Variants in UBE4A observed in about 807,000 individuals in gnomAD.
The protein encoded by UBE4A is ubiquitin conjugation factor E4 A.
A neutral mutation model predicts 117.9 loss-of-function variants in UBE4A; 48 were observed. The observed-to-expected ratio is 0.41, with a 90% CI of 0.32 to 0.52. The LOEUF is 0.52. UBE4A is among the 20% of genes least tolerant of loss of function. The pLI is 0.33. For synonymous variants in UBE4A, 407 were observed against 450.0 expected, an observed-to-expected ratio of 0.90 and a Z score of 1.21; for missense variants, 1,067 against 1,296.3, an observed-to-expected ratio of 0.82 and a Z score of 2.72.
intron 15 of UBE4A, among the ~76,000 whole-genome samples, chr11:118,385,331 A>T (rs1413182783): frequency 6.6e-6 from 1 of 152,222 alleles, no homozygotes; most frequent in Non-Finnish European, 1.5e-5. Flanking sequence ...TCAGTAAAAT[A>T]TCTCACTAAG....
Position 118,399,114 on chromosome 11 carries a change from T to A in UBE4A, c.*2674T>A. On this transcript the variant is annotated 3_prime_UTR_variant, in exon 20 of 20. Transcript: ENST00000252108. ...TGAAATAAAACTTGATCAACGCGAC[T>A]GTATTTTGAAACATTCCAGGAAGGT... is the stretch of plus-strand genomic sequence containing the variant. The A allele has an allele frequency of 4.4e-6, 2 of 454,506 alleles. No individual in the cohort carries two copies. Among genetic ancestry groups the A allele is most frequent in the Non-Finnish European group, 8.9e-6 (2 of 225,808 alleles). The allele number at this position is 454,506 out of a possible 1,614,324, so 28.2% of individuals were successfully genotyped here.
At chr11:118,390,052 T>A in intron 17 of UBE4A, 147 bp downstream of exon 17, 2 of 972,272 alleles carry the variant, frequency 2.1e-6, no homozygotes. Context: ...TCTGTAGTTT[T>A]AAATAAGGAG....
chr11:118,391,724 G>A (rs1004650860), intron 18 of UBE4A, among the ~76,000 whole-genome samples: 4 of 150,732 alleles, frequency 2.7e-5, no homozygotes, highest in Non-Finnish European at 4.4e-5. Flanking sequence ...AACCCAGGAA[G>A]CAGAGCTTGC....
At chr11:118,376,074 G>C (rs1948650058) in intron 9 of UBE4A, among the ~76,000 whole-genome samples, 1 of 152,168 alleles carries the variant, frequency 6.6e-6, no homozygotes, top group South Asian at 2.1e-4. Context: ...GCTCAATGTG[G>C]CTAGGGCAAG....
At chr11:118,379,862 T>C in intron 11 of UBE4A, 112 bp downstream of exon 11, 1 of 1,302,022 alleles carries the variant, frequency 7.7e-7, no homozygotes, top group Non-Finnish European at 1.0e-6. Flanking sequence ...TTCAGTTGTT[T>C]TTGGAGAAAC....
In UBE4A at chr11:118,383,873, C is replaced by T. The variant is rs141462357; in HGVS notation, c.2198-762C>T. Reference sequence around the variant, plus strand: ...TAGTTTCCTCATCTATAAAATGGGTCAAAGTGATGATTAAGTGAAATAATG... The same window carrying T: ...TAGTTTCCTCATCTATAAAATGGGTTAAAGTGATGATTAAGTGAAATAATG... On this transcript the variant is annotated intron_variant, in intron 13 of 19. Transcript: ENST00000252108. Among the ~76,000 whole-genome samples, 10 of 151,988 alleles carry T rather than the reference C, an allele frequency of 6.6e-5. No homozygotes were observed. The East Asian group carries it at 1.9e-3, about 29-fold the overall frequency.
intron 19 of UBE4A, among the ~76,000 whole-genome samples, chr11:118,393,374 A>G (rs142764059): frequency 1.0e-3 from 152 of 152,226 alleles, no homozygotes; most frequent in African/African-American, 3.4e-3. Flanking sequence ...CCGAGATCGC[A>G]CCACTGCACT....
Position 118,387,141 on chromosome 11 carries a change from AATT to A in UBE4A, c.2587+532_2587+534del, listed in dbSNP as rs150149231. Among the ~76,000 whole-genome samples, 589 of 152,304 alleles carry A rather than the reference AATT, an allele frequency of 3.9e-3. 4 individuals carry two copies. The highest frequency in any genetic ancestry group is 0.013 in the African/African-American group (560 of 41,564). On this transcript the variant is annotated intron_variant, in intron 16 of 19. Coordinates refer to ENST00000252108, the MANE Select transcript of UBE4A (RefSeq NM_001204077.2). ...CATTTTTATACTGATTACATACTGA[AATT>A]ATCATTTTTAATGTCTCAGCTAAAT... is the stretch of plus-strand genomic sequence containing the variant.
intron 6 of UBE4A, 85 bp from the exon 7 acceptor site, chr11:118,373,001 A>T: frequency 9.1e-6 from 11 of 1,213,358 alleles, no homozygotes; most frequent in Non-Finnish European, 1.3e-5. Flanking sequence ...AAAAAAAAAA[A>T]GAATTATTGA....
chr11:118,365,143 C>T lies in UBE4A; in HGVS notation c.63C>T (p.Ser21=). ...SSNPFAALFG[S]LADAKQFAAI... ...ACCCCTTTGCTGCTCTTTTTGGCTC[C>T]CTGGCTGATGCCAAACAGTTTGCGG... Residue 21 remains serine, a synonymous_variant, in exon 2 of 20, where the codon TCC becomes TCT. Coordinates refer to ENST00000252108, the MANE Select transcript of UBE4A (RefSeq NM_001204077.2). 6.2e-7 allele frequency: 1 copy of T among 1,613,828 alleles called. No homozygotes were observed. Among genetic ancestry groups the T allele is most frequent in the Non-Finnish European group, 8.5e-7 (1 of 1,179,904 alleles).
At position 118,398,434 on chromosome 11, in the gene UBE4A, CAAGT is replaced by C. The variant is rs1268924558; in HGVS notation, c.*1995_*1998del. 6.6e-6 allele frequency: 1 copy of C among 152,644 alleles called. No individual in the cohort carries two copies. Among genetic ancestry groups the C allele is most frequent in the African/African-American group, 2.4e-5 (1 of 41,444 alleles). The allele number at this position is 152,644 out of a possible 1,614,324, so 9.5% of individuals were successfully genotyped here. On this transcript the variant is annotated 3_prime_UTR_variant, in exon 20 of 20. Transcript: ENST00000252108. ...TGAATATCTTTAAACTCTGCACAAG[CAAGT>C]GTGTAGCTTAAGGCCACTACTGGTA...
chr11:118,392,652 TGAGA>T, intron 18 of UBE4A, 82 bp from the exon 19 acceptor site: 3 of 1,338,668 alleles, frequency 2.2e-6, no homozygotes, highest in Admixed American at 2.3e-5. Context: ...TTTTTATTTT[TGAGA>T]TGGAGTCTTG....
In UBE4A at chr11:118,373,120, C is replaced by T. The variant is rs1234496657; in HGVS notation, c.756C>T (p.Val252=). The T allele has an allele frequency of 1.9e-6, 3 of 1,613,976 alleles. No individual in the cohort carries two copies. Among genetic ancestry groups the T allele is most frequent in the African/African-American group, 1.3e-5 (1 of 75,022 alleles). ...FEDVTEFLEE[V]IEALILDEEV... ...ATGTAACTGAGTTTCTGGAAGAGGT[C>T]ATTGAAGCCTTGATATTGGATGAGG... is the stretch of plus-strand genomic sequence containing the variant. Residue 252 remains valine, a synonymous_variant, in exon 7 of 20, where the codon GTC becomes GTT. Transcript: ENST00000252108.
intron 9 of UBE4A, 46 bp downstream of exon 9, chr11:118,375,275 T>TGTAA: frequency 6.8e-7 from 1 of 1,477,734 alleles, no homozygotes; most frequent in South Asian, 1.3e-5. Flanking sequence ...TGTGTGTGTG[T>TGTAA]AACGTGTAAA....
rs1555127891 is a variant in UBE4A at position 118,389,718 on chromosome 11, T to C, written c.2588-7T>C. 1 of 1,584,232 alleles carries C rather than the reference T, an allele frequency of 6.3e-7. No individual in the cohort carries two copies. The highest frequency in any genetic ancestry group is 8.6e-7 in the Non-Finnish European group (1 of 1,157,574). ...TGAGTTTTCAGAGACTTTGGATTCT[T>C]TTCCAGAGATCAAGTCACTCTTTGT... On this transcript the variant is annotated splice_region_variant and splice_polypyrimidine_tract_variant and intron_variant, in intron 16 of 19. Coordinates refer to ENST00000252108, the MANE Select transcript of UBE4A (RefSeq NM_001204077.2).
Position 118,389,912 on chromosome 11 carries a change from G to A in UBE4A, c.2768+7G>A. Reference sequence around the variant, plus strand: ...CTATCTACTTAAATCTTGGGTACCTGAGATTGAAATCTGTCAAGCCAGAGG... The same window carrying A: ...CTATCTACTTAAATCTTGGGTACCTAAGATTGAAATCTGTCAAGCCAGAGG... On this transcript the variant is annotated splice_region_variant and intron_variant, in intron 17 of 19. Coordinates refer to ENST00000252108, the MANE Select transcript of UBE4A (RefSeq NM_001204077.2). 2 of 1,564,572 alleles carry A rather than the reference G, an allele frequency of 1.3e-6. No homozygotes were observed. Among genetic ancestry groups the A allele is most frequent in the African/African-American group, 1.3e-5 (1 of 74,378 alleles).
At chr11:118,361,327 T>C (rs1773502927) in intron 1 of UBE4A, among the ~76,000 whole-genome samples, 1 of 152,164 alleles carries the variant, frequency 6.6e-6, no homozygotes, top group African/African-American at 2.4e-5. Context: ...GCGCTGAAAA[T>C]AGGAGATTAT....
chr11:118,384,968 A>T, intron 15 of UBE4A, 23 bp downstream of exon 15: 1 of 1,358,450 alleles, frequency 7.4e-7, no homozygotes, highest in East Asian at 2.3e-5. Flanking sequence ...AAAAAAAAAA[A>T]GATTTAACTT....
chr11:118,367,444 ACT>A (rs1011049845), intron 2 of UBE4A, among the ~76,000 whole-genome samples: 4 of 149,134 alleles, frequency 2.7e-5, no homozygotes, highest in African/African-American at 7.5e-5. Flanking sequence ...TCAAACAGGC[ACT>A]CTCTCATATA....
Sources: allele counts gnomAD v4.1 joint callset (sites outside exome capture counted in the v4.1 genomes callset), GRCh38; gene constraint gnomAD v4.1.1; transcripts MANE v1.5; gene names NCBI Gene and HGNC (gene_info 2026-07-23, HGNC 2026-07-21).